The following WWOX variants were observed in gnomAD, a reference collection of about 807,000 sequenced individuals.
The protein encoded by WWOX is WW domain containing oxidoreductase.
In WWOX, 69 loss-of-function variants were observed where a neutral mutation model predicts 46.2. The observed-to-expected ratio is 1.49, with a 90% confidence interval of 1.23 to 1.82. WWOX has a LOEUF of 1.82. Among genes scored for constraint, WWOX ranks in the 40% most tolerant of loss-of-function variants. The pLI, the probability that WWOX is intolerant of heterozygous loss-of-function variation, is 0.00. For missense variants in WWOX, 919 were observed against 542.6 expected (o/e 1.69, Z -6.89); for synonymous variants, 359 against 202.6 (o/e 1.77, Z -6.56).
At chr16:78,599,152 C>T (rs1422256448) in intron 8 of WWOX, among the ~76,000 whole-genome samples, 1 of 152,180 alleles carries the variant, frequency 6.6e-6, no homozygotes, top group Non-Finnish European at 1.5e-5. Context: ...ATGGAGACTT[C>T]ATCCCCTCCT....
intron 8 of WWOX, among the ~76,000 whole-genome samples, chr16:78,774,396 T>C (rs950769029): frequency 2.0e-5 from 3 of 151,966 alleles, no homozygotes; most frequent in African/African-American, 7.3e-5. Context: ...CGAGACAATG[T>C]CTCAAAAAAA....
chr16:78,835,709 C>G (rs181940954), intron 8 of WWOX, among the ~76,000 whole-genome samples: 3 of 152,138 alleles, frequency 2.0e-5, no homozygotes, highest in Non-Finnish European at 4.4e-5. Flanking sequence ...AATCTGACCT[C>G]GTGAAGAAAT....
intron 8 of WWOX, among the ~76,000 whole-genome samples, chr16:78,781,562 A>G (rs1303821584): frequency 1.3e-5 from 2 of 152,150 alleles, no homozygotes; most frequent in African/African-American, 4.8e-5. Flanking sequence ...TGTGCTTCCT[A>G]TTTAAAACAT....
chr16:78,768,435 C>T (rs1055153146), intron 8 of WWOX, among the ~76,000 whole-genome samples: 2 of 151,892 alleles, frequency 1.3e-5, no homozygotes, highest in African/African-American at 4.8e-5. Context: ...ACTAAAAATA[C>T]AACAATTAGC....
intron 8 of WWOX, among the ~76,000 whole-genome samples, chr16:78,673,338 C>A (rs1232011152): frequency 6.6e-6 from 1 of 152,212 alleles, no homozygotes; most frequent in East Asian, 1.9e-4. Context: ...TAGCAGAGAG[C>A]TGGCTGTGCT....
chr16:78,832,009 A>G (rs1031525094), intron 8 of WWOX, among the ~76,000 whole-genome samples: 2 of 152,214 alleles, frequency 1.3e-5, no homozygotes, highest in African/African-American at 4.8e-5. Flanking sequence ...GGTATCTGCA[A>G]CAGTTATCCA....
chr16:78,743,527 C>T (rs7192009), intron 8 of WWOX, among the ~76,000 whole-genome samples: 1 of 152,012 alleles, frequency 6.6e-6, no homozygotes, highest in Non-Finnish European at 1.5e-5. Flanking sequence ...AAGGCTGATT[C>T]ACGTTGACTT....
intron 8 of WWOX, among the ~76,000 whole-genome samples, chr16:79,107,885 G>C (rs1320367568): frequency 6.6e-6 from 1 of 152,196 alleles, no homozygotes; most frequent in African/African-American, 2.4e-5. Flanking sequence ...GTTATAGGAT[G>C]AAGTGTCATA....
chr16:78,722,938 A>G (rs2048729475), intron 8 of WWOX, among the ~76,000 whole-genome samples: 1 of 152,062 alleles, frequency 6.6e-6, no homozygotes, highest in Non-Finnish European at 1.5e-5. Context: ...CCTACTTGGG[A>G]GGCTGAGGCA....
chr16:78,893,426 T>C (rs1371602798), intron 8 of WWOX, among the ~76,000 whole-genome samples: 1 of 152,042 alleles, frequency 6.6e-6, no homozygotes. Flanking sequence ...TTGGATTGAC[T>C]TCTCTTTTCT....
intron 8 of WWOX, among the ~76,000 whole-genome samples, chr16:78,816,841 T>C (rs1161517425): frequency 6.6e-6 from 1 of 152,184 alleles, no homozygotes; most frequent in Non-Finnish European, 1.5e-5. Flanking sequence ...CTCATCTGTG[T>C]AATCTATTTC....
At chr16:78,873,774 G>C (rs146883084) in intron 8 of WWOX, among the ~76,000 whole-genome samples, 61 of 152,242 alleles carry the variant, frequency 4.0e-4, no homozygotes, top group African/African-American at 1.4e-3. Flanking sequence ...GGGCAACAGA[G>C]AGACCCTGCC....
chr16:78,670,729 C>G (rs1307872739), intron 8 of WWOX, among the ~76,000 whole-genome samples: 1 of 151,986 alleles, frequency 6.6e-6, no homozygotes, highest in African/African-American at 2.4e-5. Flanking sequence ...CCAGGCTAGT[C>G]TCAAACTGTT....
At chr16:78,715,427 G>A (rs1016425344) in intron 8 of WWOX, among the ~76,000 whole-genome samples, 1 of 152,048 alleles carries the variant, frequency 6.6e-6, no homozygotes, top group Admixed American at 6.6e-5. Flanking sequence ...GGAAAGAGGG[G>A]TAGGAATTTT....
chr16:78,735,842 C>A (rs947159091), intron 8 of WWOX, among the ~76,000 whole-genome samples: 2 of 114,660 alleles, frequency 1.7e-5, no homozygotes, highest in African/African-American at 7.9e-5. Flanking sequence ...TGCTCCACAC[C>A]TTTCTGCTCT....
chr16:79,175,124 G>A (rs1017582639), intron 8 of WWOX, among the ~76,000 whole-genome samples: 4 of 152,046 alleles, frequency 2.6e-5, no homozygotes, highest in African/African-American at 9.7e-5. Flanking sequence ...CAACCTACTG[G>A]GTCTAGCTAT....
intron 8 of WWOX, among the ~76,000 whole-genome samples, chr16:79,210,364 G>A (rs2051684234): frequency 6.6e-6 from 1 of 152,180 alleles, no homozygotes; most frequent in Non-Finnish European, 1.5e-5. Flanking sequence ...TGCAAGCATA[G>A]TGATTGCAAA....
At chr16:79,134,694 C>T (rs1400333345) in intron 8 of WWOX, among the ~76,000 whole-genome samples, 1 of 152,164 alleles carries the variant, frequency 6.6e-6, no homozygotes, top group Non-Finnish European at 1.5e-5. Flanking sequence ...TTCTTATAGA[C>T]ATGTCATGAA....
At position 78,236,584 on chromosome 16, in the gene WWOX, G is replaced by A. The variant is rs75611168; in HGVS notation, c.516+72295G>A. Among the ~76,000 whole-genome samples, 657 of 152,272 alleles carry A rather than the reference G, an allele frequency of 4.3e-3. 4 individuals carry two copies. Among genetic ancestry groups the A allele is most frequent in the Non-Finnish European group, 7.3e-3 (499 of 68,018 alleles). On this transcript the variant is annotated intron_variant, in intron 5 of 8. Coordinates refer to ENST00000566780, the MANE Select transcript of WWOX (RefSeq NM_016373.4). ...TCTTTCCCCATTTGGATGGTGGGTT[G>A]CCCATTTTAATTCAAGGTTTGTCTA...
Sources: allele counts gnomAD v4.1 joint callset (sites outside exome capture counted in the v4.1 genomes callset), GRCh38; gene constraint gnomAD v4.1.1; transcripts MANE v1.5; gene names NCBI Gene and HGNC (gene_info 2026-07-23, HGNC 2026-07-21).